CLSTN3: variants seen among roughly 807,000 people sequenced by gnomAD.
CLSTN3 encodes calsyntenin-3.
CLSTN3 carries 36 observed loss-of-function variants against 95.9 expected under a neutral mutation model. That is an observed-to-expected ratio of 0.38 (90% CI 0.29 to 0.50). CLSTN3 has a LOEUF of 0.50. Ranked by LOEUF, CLSTN3 falls within the 20% of genes least tolerant of loss-of-function variation. CLSTN3 has a pLI of 0.95. For synonymous variants in CLSTN3, 481 were observed against 504.0 expected (o/e 0.95, Z 0.61); for missense variants, 1,084 against 1,268.8 (o/e 0.85, Z 2.21).
chr12:7,158,246 C>T lies in CLSTN3; in HGVS notation c.*165C>T, dbSNP rs1939858037. ...CCCCAGCGGGCCCTCTGGAGTCCGC[C>T]CTGCCCCTCCCCCGGCCCCCCATCC... On this transcript the variant is annotated 3_prime_UTR_variant, in exon 18 of 18. Coordinates refer to ENST00000266546, the MANE Select transcript of CLSTN3 (RefSeq NM_014718.4). The T allele has an allele frequency of 2.0e-5, 15 of 758,926 alleles. No individual in the cohort carries two copies. The highest frequency in any genetic ancestry group is 3.0e-5 in the Non-Finnish European group (15 of 499,992). The allele number at this position is 758,926 out of a possible 1,614,324, so 47.0% of individuals were successfully genotyped here.
At chr12:7,138,199 CT>C in intron 8 of CLSTN3, 132 bp downstream of exon 8, 1 of 600,096 alleles carries the variant, frequency 1.7e-6, no homozygotes, top group Non-Finnish European at 3.0e-6. Flanking sequence ...CTTTCAGCCC[CT>C]GACCATTCTA....
At chr12:7,148,412 C>G (rs1215055117) in intron 12 of CLSTN3, among the ~76,000 whole-genome samples, 1 of 152,130 alleles carries the variant, frequency 6.6e-6, no homozygotes, top group Non-Finnish European at 1.5e-5. Flanking sequence ...GACGGTGGAT[C>G]TAGGTCCAAG....
In CLSTN3 at chr12:7,135,902, G is replaced by A. The variant is rs1271065766; in HGVS notation, c.691G>A (p.Asp231Asn). Residue 231 changes from aspartate (D) to asparagine (N), a missense_variant, in exon 5 of 18, where the codon GAT becomes AAT. By Grantham distance (23) the Asp-to-Asn change is conservative. Coordinates refer to ENST00000266546, the MANE Select transcript of CLSTN3 (RefSeq NM_014718.4). ...CTGTGGGAAGAAGCGGGCAGCAGAT[G>A]ATGCTGAGGTGGAGATTCAGGTGAA... The part of the protein sequence containing the change: ...YDCGKKRAAD[D>N]AEVEIQVKPT... 4 of 1,614,074 alleles carry A rather than the reference G, an allele frequency of 2.5e-6. No individual in the cohort carries two copies. The Middle Eastern group carries it at 6.6e-4, about 267-fold the overall frequency.
In CLSTN3 at chr12:7,141,027, G is replaced by A. The variant is rs1434997704; in HGVS notation, c.1324-215G>A. On this transcript the variant is annotated intron_variant, in intron 8 of 17. Coordinates refer to ENST00000266546, the MANE Select transcript of CLSTN3 (RefSeq NM_014718.4). This position sits in a 1 kb window ranked among gnomAD's most constrained non-coding sequence, Gnocchi z 4.1. ...ATAGCTTTAACGATTTACCTGAAGA[G>A]TGGAATCTTTGCTACTAGGTTGGTT... is the stretch of plus-strand genomic sequence containing the variant. 1.3e-5 allele frequency among the ~76,000 whole-genome samples: 2 copies of A among 152,238 alleles called. No homozygotes were observed. The highest frequency in any genetic ancestry group is 2.9e-5 in the Non-Finnish European group (2 of 68,042).
intron 16 of CLSTN3, among the ~76,000 whole-genome samples, chr12:7,153,064 A>G (rs1939751794): frequency 6.6e-6 from 1 of 152,048 alleles, no homozygotes; most frequent in African/African-American, 2.4e-5. Flanking sequence ...CTCCTTGTGC[A>G]ACGGCCACCA....
chr12:7,136,314 T>A lies in CLSTN3; in HGVS notation c.851T>A (p.Ile284Lys). Reference protein sequence around the residue: ...DEPLWNIQATIELQTSHVAKG... With the variant: ...DEPLWNIQATKELQTSHVAKG... ...CCACTCTGGAACATTCAGGCCACCA[T>A]AGAGCTGCAGACCAGCCATGTGGCC... The change falls in exon 6 of 18, where the codon ATA becomes AAA. Residue 284 changes from isoleucine to lysine, a missense_variant. By Grantham distance (102) the Ile-to-Lys change is moderately radical (BLOSUM62 -3). Transcript: ENST00000266546. The A allele has an allele frequency of 6.2e-7, 1 of 1,614,192 alleles. No homozygotes were observed. The highest frequency in any genetic ancestry group is 8.5e-7 in the Non-Finnish European group (1 of 1,180,028).
intron 1 of CLSTN3, chr12:7,131,678 C>T: frequency 2.3e-6 from 1 of 435,926 alleles, no homozygotes; most frequent in South Asian, 1.6e-5. Flanking sequence ...GGGAGCTGTG[C>T]AGAGGGCGCC....
At chr12:7,145,443 C>T (rs769415264) in intron 12 of CLSTN3, among the ~76,000 whole-genome samples, 14 of 152,162 alleles carry the variant, frequency 9.2e-5, no homozygotes, top group African/African-American at 1.9e-4. Context: ...TGATGCATTT[C>T]CTTGCCCCTG....
In CLSTN3 at chr12:7,150,901, TG is replaced by T; in HGVS notation, c.2392-26del. The T allele has an allele frequency of 6.4e-7, 1 of 1,563,310 alleles. No homozygotes were observed. The highest frequency in any genetic ancestry group is 8.7e-7 in the Non-Finnish European group (1 of 1,150,344). Reference sequence around the variant, plus strand: ...GGGGAGGACCTGGGAGAAGCGTGTGTGCCCATGGAGCCCTCCCTCTGCCCAG... The same window carrying T: ...GGGGAGGACCTGGGAGAAGCGTGTGTCCCATGGAGCCCTCCCTCTGCCCAG... On this transcript the variant is annotated intron_variant, in intron 15 of 17. Transcript: ENST00000266546. This position sits in a 1 kb window ranked among gnomAD's most constrained non-coding sequence, Gnocchi z 4.0.
At chr12:7,130,308 C>G (rs1162175001), upstream of CLSTN3, 10 of 920,090 alleles carry the variant, frequency 1.1e-5, no homozygotes, top group South Asian at 2.1e-5. Context: ...CCTGGTCCCC[C>G]CCCCTCCCAG....
intron 12 of CLSTN3, among the ~76,000 whole-genome samples, 169 bp from the exon 13 acceptor site, chr12:7,148,803 C>A (rs1939671591): frequency 6.6e-6 from 1 of 152,222 alleles, no homozygotes; most frequent in Non-Finnish European, 1.5e-5. Context: ...CCCCCTTCAA[C>A]TGCTGTGGGG....
chr12:7,149,420 TGGCCCTGGAAAGGGAGGGA>T lies in CLSTN3; in HGVS notation c.2075-101_2075-83del, dbSNP rs1435733074. 1 of 1,143,962 alleles carries T rather than the reference TGGCCCTGGAAAGGGAGGGA, an allele frequency of 8.7e-7. No homozygotes were observed. The highest frequency in any genetic ancestry group is 1.5e-5 in the South Asian group (1 of 67,826). The allele number at this position is 1,143,962 out of a possible 1,614,324, so 70.9% of individuals were successfully genotyped here. A position where few individuals can be genotyped will look rare whatever the true frequency, so the allele number is the denominator to read the frequency against. Reference sequence around the variant, plus strand: ...AAAATGATGCTGACTTCCCTCTCCCTGGCCCTGGAAAGGGAGGGAGAGTGGTGATGAGGGCATGGTTGGG... The same window carrying T: ...AAAATGATGCTGACTTCCCTCTCCCTGAGTGGTGATGAGGGCATGGTTGGG... On this transcript the variant is annotated intron_variant, in intron 13 of 17. Coordinates refer to ENST00000266546, the MANE Select transcript of CLSTN3 (RefSeq NM_014718.4). This position sits in a 1 kb window ranked among gnomAD's most constrained non-coding sequence, Gnocchi z 4.5.
rs907416851 is a variant in CLSTN3, at chr12:7,157,711, G to A, written c.2730+20G>A. 9.6e-6 allele frequency: 15 copies of A among 1,556,536 alleles called. No homozygotes were observed. The highest frequency in any genetic ancestry group is 5.8e-5 in the Admixed American group (3 of 51,504). On this transcript the variant is annotated intron_variant, in intron 17 of 17. Coordinates refer to ENST00000266546, the MANE Select transcript of CLSTN3 (RefSeq NM_014718.4). The surrounding 1 kb of genome is among the most constrained non-coding windows in gnomAD (Gnocchi z 5.9). ...ATGGAGGTGAGAGGCCTGGGGAAGC[G>A]GGGTTCTGTAGGGTCAAGACTGTGG...
At position 7,150,974 on chromosome 12, in the gene CLSTN3, T is replaced by C; in HGVS notation, c.2438T>C (p.Val813Ala). 6.2e-7 allele frequency: 1 copy of C among 1,613,278 alleles called. No individual in the cohort carries two copies. Among genetic ancestry groups the C allele is most frequent in the Non-Finnish European group, 8.5e-7 (1 of 1,179,496 alleles). Residue 813 changes from valine (V) to alanine (A), a missense_variant, in exon 16 of 18, where the codon GTG becomes GCG. Val to Ala is a moderately conservative substitution (Grantham distance 64, BLOSUM62 0). Transcript: ENST00000266546. The surrounding 1 kb of genome is among the most constrained non-coding windows in gnomAD (Gnocchi z 4.0). ...SMNRVAHPSH[V>A]LSSQQFLHRG... ...AACCGGGTTGCCCACCCCAGCCACGTGCTCAGCTCCCAGCAGTTCCTGCAC... is the reference window on the plus strand; with the variant it reads ...AACCGGGTTGCCCACCCCAGCCACGCGCTCAGCTCCCAGCAGTTCCTGCAC...
In CLSTN3 at chr12:7,142,034, C is replaced by T. The variant is rs1939534081; in HGVS notation, c.1487-52C>T. 5.0e-6 allele frequency: 7 copies of T among 1,408,884 alleles called. No individual in the cohort carries two copies. The South Asian group carries it at 8.8e-5, about 18-fold the overall frequency. 87.3% of individuals were successfully genotyped at this position (1,408,884 alleles called of 1,614,324 possible). On this transcript the variant is annotated intron_variant, in intron 9 of 17. Coordinates refer to ENST00000266546, the MANE Select transcript of CLSTN3 (RefSeq NM_014718.4). Reference sequence around the variant, plus strand: ...ACATCTCATTCCTCTCTGTCAATCTCTCCACATCCCTGAGCTCACCAGCAC... The same window carrying T: ...ACATCTCATTCCTCTCTGTCAATCTTTCCACATCCCTGAGCTCACCAGCAC...
At chr12:7,131,470 AG>A (rs1004785158) in intron 1 of CLSTN3, 4 of 257,512 alleles carry the variant, frequency 1.6e-5, no homozygotes, top group South Asian at 3.9e-5. Flanking sequence ...GAGGCGTGGG[AG>A]GGGGTAAGGA....
At chr12:7,129,582 G>A, upstream of CLSTN3, 1 of 983,702 alleles carries the variant, frequency 1.0e-6, no homozygotes. The surrounding 1 kb of genome is among the most constrained non-coding windows in gnomAD (Gnocchi z 5.5). Flanking sequence ...CTGAGTCATC[G>A]ATGAGACCGT....
chr12:7,138,307 A>G (rs1159748700), intron 8 of CLSTN3, among the ~76,000 whole-genome samples: 1 of 152,004 alleles, frequency 6.6e-6, no homozygotes, highest in African/African-American at 2.4e-5. Flanking sequence ...TACTAACACC[A>G]AAGTCGACCA....
At chr12:7,135,601 C>A in intron 4 of CLSTN3, 66 bp downstream of exon 4, 1 of 1,534,502 alleles carries the variant, frequency 6.5e-7, no homozygotes, top group South Asian at 1.1e-5. Context: ...CTCAGGACAA[C>A]CCAGGGTTGC....
Sources: gnomAD v4.1 joint callset for allele counts (sites outside exome capture counted in the v4.1 genomes callset) on GRCh38, gnomAD v4.1.1 for gene constraint, Gnocchi (gnomAD v3.1) non-coding constraint, MANE v1.5 for transcripts, NCBI Gene and HGNC (gene_info 2026-07-23, HGNC 2026-07-21) for gene names.